The following NLRP3 variants were observed in gnomAD, a reference collection of about 807,000 sequenced individuals.
NLRP3 encodes NACHT, LRR and PYD domains-containing protein 3.
Under a neutral mutation model 91.3 loss-of-function variants are expected in NLRP3, and 48 were observed. The ratio of observed to expected loss-of-function variants is 0.53; its 90% CI spans 0.42 to 0.67. NLRP3 has a LOEUF of 0.67. Ranked by LOEUF, NLRP3 falls within the 30% of genes least tolerant of loss-of-function variation. NLRP3 has a pLI of 0.00. For synonymous variants in NLRP3, 561 were observed against 507.9 expected, an observed-to-expected ratio of 1.10 and a Z score of -1.41; for missense variants, 982 against 1,276.9, an observed-to-expected ratio of 0.77 and a Z score of 3.52.
chr1:247,448,001 G>A (rs1170449295), intron 9 of NLRP3, among the ~76,000 whole-genome samples: 1 of 149,198 alleles, frequency 6.7e-6, no homozygotes, highest in Admixed American at 6.7e-5. Context: ...ACCACATTGG[G>A]CACTTAGAGC....
intron 7 of NLRP3, among the ~76,000 whole-genome samples, chr1:247,442,888 C>T (rs1664324249): frequency 6.6e-6 from 1 of 152,034 alleles, no homozygotes. Flanking sequence ...GTGAGCTGTG[C>T]ACTTGGCCTG....
intron 7 of NLRP3, among the ~76,000 whole-genome samples, chr1:247,443,560 TAA>T (rs75792988): frequency 4.8e-4 from 59 of 123,000 alleles, no homozygotes; most frequent in African/African-American, 1.2e-3. Context: ...CTGTCTCTCT[TAA>T]AAAAAAAAAA....
In NLRP3 at chr1:247,429,722, T is replaced by TC; in HGVS notation, c.2290dup (p.Gln764ProfsTer6). 6.2e-7 allele frequency: 1 copy of TC among 1,614,070 alleles called. No homozygotes were observed. Among genetic ancestry groups the TC allele is most frequent in the Non-Finnish European group, 8.5e-7 (1 of 1,179,996 alleles). On this transcript the variant is annotated frameshift_variant, in exon 5 of 10. Transcript: ENST00000336119. LOFTEE classifies it high-confidence loss of function. ...GGGATGAGAGTGTTGTGTGAAACGCTCCAGCATCCTGGCTGTAACATTCGG... is the reference window on the plus strand; with the variant it reads ...GGGATGAGAGTGTTGTGTGAAACGCTCCCAGCATCCTGGCTGTAACATTCGG...
At chr1:247,420,807 G>A (rs1346716651) in intron 2 of NLRP3, among the ~76,000 whole-genome samples, 1 of 152,128 alleles carries the variant, frequency 6.6e-6, no homozygotes, top group Non-Finnish European at 1.5e-5. Context: ...CAAACTGTTT[G>A]CTTTCTCTAA....
chr1:247,416,922 T>G (rs2103077496), intron 1 of NLRP3, among the ~76,000 whole-genome samples: 1 of 152,212 alleles, frequency 6.6e-6, no homozygotes, highest in South Asian at 2.1e-4. Flanking sequence ...ATTTATGGCT[T>G]TAGGTTGAGG....
intron 7 of NLRP3, among the ~76,000 whole-genome samples, chr1:247,443,536 A>T (rs1371418011): frequency 6.8e-6 from 1 of 147,010 alleles, no homozygotes; most frequent in Non-Finnish European, 1.5e-5. Context: ...TCCCATGAGG[A>T]GGATTTTTTT....
intron 4 of NLRP3, among the ~76,000 whole-genome samples, chr1:247,426,640 G>C (rs986696250): frequency 8.5e-5 from 13 of 152,204 alleles, no homozygotes; most frequent in African/African-American, 3.1e-4. Flanking sequence ...CTGCCCACAG[G>C]GCCGCAGTGG....
chr1:247,444,007 C>T lies in NLRP3; in HGVS notation c.2699C>T (p.Ser900Leu), dbSNP rs150388694. 4 of 1,614,034 alleles carry T rather than the reference C, an allele frequency of 2.5e-6. No individual in the cohort carries two copies. Among genetic ancestry groups the T allele is most frequent in the African/African-American group, 1.3e-5 (1 of 74,908 alleles). The change falls in exon 8 of 10, where the codon TCA becomes TTA. Residue 900 changes from serine (S) to leucine (L), a missense_variant. This residue lies in a region of NLRP3 where 373 missense variants were observed against 431.5 expected (regional missense o/e 0.86). Coordinates refer to ENST00000336119, the MANE Select transcript of NLRP3 (RefSeq NM_001243133.2). ...TCTGGCCTTACGTCAGTCTGTTGTT[C>T]AGCTTTGTCCTCGGTACTCAGCACT... Reference protein sequence around the residue: ...VNSGLTSVCCSALSSVLSTNQ... With the variant: ...VNSGLTSVCCLALSSVLSTNQ...
intron 2 of NLRP3, among the ~76,000 whole-genome samples, chr1:247,422,525 G>A (rs1044062851): frequency 6.6e-6 from 1 of 152,016 alleles, no homozygotes; most frequent in Non-Finnish European, 1.5e-5. Context: ...ATGCTATCTA[G>A]TGACTGTTTG....
chr1:247,443,791 C>G (rs1460058682), intron 7 of NLRP3, 181 bp from the exon 8 acceptor site: 6 of 654,744 alleles, frequency 9.2e-6, no homozygotes, highest in Non-Finnish European at 1.6e-5. Context: ...TCATTTGTGT[C>G]TCCTGTGACA....
Position 247,425,676 on chromosome 1 carries a change from C to A in NLRP3, c.2150+77C>A. The stretch of plus-strand genomic sequence containing the variant: ...TCTTGGCGCTTGCCTCCTCTCATCT[C>A]TTTTCAACTATCTTCCAAATACTGT... On this transcript the variant is annotated intron_variant, in intron 4 of 9. Transcript: ENST00000336119. This position sits in a 1 kb window ranked among gnomAD's most constrained non-coding sequence, Gnocchi z 4.1. 1 of 1,334,072 alleles carries A rather than the reference C, an allele frequency of 7.5e-7. No individual in the cohort carries two copies. Among genetic ancestry groups the A allele is most frequent in the South Asian group, 1.2e-5 (1 of 84,150 alleles). The allele number at this position is 1,334,072 out of a possible 1,614,324, so 82.6% of individuals were successfully genotyped here.
In NLRP3 at chr1:247,418,942, G is replaced by C. The variant is rs1213082528; in HGVS notation, c.142G>C (p.Asp48His). 1 of 1,614,176 alleles carries C rather than the reference G, an allele frequency of 6.2e-7. No homozygotes were observed. Among genetic ancestry groups the C allele is most frequent in the South Asian group, 1.1e-5 (1 of 91,076 alleles). Reference protein sequence around the residue: ...PLPRGQTEKADHVDLATLMID... With the variant: ...PLPRGQTEKAHHVDLATLMID... ...CCCGAGGGGTCAGACAGAGAAGGCA[G>C]ACCATGTGGATCTAGCCACGCTAAT... Residue 48 changes from aspartate to histidine, a missense_variant, in exon 2 of 10, where the codon GAC becomes CAC. Transcript: ENST00000336119.
At position 247,418,759 on chromosome 1, in the gene NLRP3, T is replaced by C; in HGVS notation, c.-42T>C. ...GTGTTCACTGCCTGGTATCTTAGTGTGGACCGAAGCCTAAGGACCCTGAAA... is the reference window on the plus strand; with the variant it reads ...GTGTTCACTGCCTGGTATCTTAGTGCGGACCGAAGCCTAAGGACCCTGAAA... On this transcript the variant is annotated 5_prime_UTR_variant, in exon 2 of 10. Coordinates refer to ENST00000336119, the MANE Select transcript of NLRP3 (RefSeq NM_001243133.2). 1.2e-6 allele frequency: 2 copies of C among 1,612,400 alleles called. No individual in the cohort carries two copies. Among genetic ancestry groups the C allele is most frequent in the Non-Finnish European group, 1.7e-6 (2 of 1,179,870 alleles).
At chr1:247,437,947 C>G (rs1468551336) in intron 7 of NLRP3, among the ~76,000 whole-genome samples, 1 of 152,242 alleles carries the variant, frequency 6.6e-6, no homozygotes, top group Admixed American at 6.5e-5. Flanking sequence ...TCAGGTGACT[C>G]TCAGTGATCC....
intron 5 of NLRP3, among the ~76,000 whole-genome samples, chr1:247,431,485 A>G (rs1160680873): frequency 6.6e-6 from 1 of 151,860 alleles, no homozygotes; most frequent in Non-Finnish European, 1.5e-5. Flanking sequence ...TCCTCACCCC[A>G]CCAGCCCAGG....
intron 7 of NLRP3, among the ~76,000 whole-genome samples, chr1:247,440,041 G>A (rs1664093291): frequency 6.6e-6 from 1 of 152,238 alleles, no homozygotes; most frequent in South Asian, 2.1e-4. Flanking sequence ...TATAGCCTAT[G>A]GGTTAGGCAT....
intron 2 of NLRP3, among the ~76,000 whole-genome samples, chr1:247,421,742 C>G (rs749575752): frequency 6.6e-6 from 1 of 152,138 alleles, no homozygotes; most frequent in Non-Finnish European, 1.5e-5. Context: ...ACCACTACAC[C>G]GTCTTTGCTT....
intron 9 of NLRP3, among the ~76,000 whole-genome samples, chr1:247,447,001 G>A (rs756333896): frequency 2.6e-5 from 4 of 152,194 alleles, no homozygotes; most frequent in African/African-American, 9.7e-5. Context: ...ACTGCTACAT[G>A]TAGCATCACT....
At chr1:247,436,234 A>G in intron 7 of NLRP3, 94 bp downstream of exon 7, 1 of 1,235,306 alleles carries the variant, frequency 8.1e-7, no homozygotes, top group Non-Finnish European at 1.2e-6. Flanking sequence ...GGTCAGGCAG[A>G]GCTGAAGGTA....
Sources: gnomAD v4.1 joint callset for allele counts (sites outside exome capture counted in the v4.1 genomes callset) on GRCh38, gnomAD v4.1.1 for gene constraint, gnomAD v4.1.1 regional missense constraint, Gnocchi (gnomAD v3.1) non-coding constraint, MANE v1.5 for transcripts, NCBI Gene and HGNC (gene_info 2026-07-23, HGNC 2026-07-21) for gene names.